The following SPAST variants were observed in gnomAD, a reference collection of about 807,000 sequenced individuals.
The protein encoded by SPAST is spastin, also known as spastic paraplegia 4 (autosomal dominant; spastin).
Under a neutral mutation model 76.6 loss-of-function variants are expected in SPAST, and 30 were observed. The observed-to-expected ratio is 0.39, with a 90% CI of 0.29 to 0.53. SPAST has a LOEUF of 0.53. SPAST is among the 20% of genes least tolerant of loss of function. The pLI is 0.68. For synonymous variants in SPAST, 305 were observed against 281.0 expected (o/e 1.09, Z -0.86); for missense variants, 717 against 770.5 (o/e 0.93, Z 0.82).
chr2:32,068,139 C>T (rs1676599196), intron 1 of SPAST, among the ~76,000 whole-genome samples: 2 of 151,576 alleles, frequency 1.3e-5, no homozygotes, highest in South Asian at 2.1e-4. Flanking sequence ...CCACCATGCC[C>T]AGCTAATTTT....
intron 4 of SPAST, among the ~76,000 whole-genome samples, chr2:32,108,685 A>G (rs1355554857): frequency 6.7e-6 from 1 of 150,118 alleles, no homozygotes; most frequent in African/African-American, 2.5e-5. Context: ...TCCTGGGCTC[A>G]ATCATTTCTG....
intron 1 of SPAST, among the ~76,000 whole-genome samples, chr2:32,067,760 T>TG (rs1039439595): frequency 3.8e-5 from 2 of 51,968 alleles, no homozygotes; most frequent in African/African-American, 1.3e-4. Flanking sequence ...GTGATCCTCT[T>TG]TTTTTTTTTT....
intron 3 of SPAST, among the ~76,000 whole-genome samples, chr2:32,094,497 A>G (rs1343554999): frequency 6.6e-6 from 1 of 152,214 alleles, no homozygotes; most frequent in African/African-American, 2.4e-5. Flanking sequence ...CTTAAGAGAA[A>G]GTACCTGGTA....
At chr2:32,096,070 G>A (rs1016756311) in intron 3 of SPAST, among the ~76,000 whole-genome samples, 1 of 152,210 alleles carries the variant, frequency 6.6e-6, no homozygotes, top group Non-Finnish European at 1.5e-5. Context: ...CAAAGTTACT[G>A]CTTTAATTTA....
chr2:32,096,565 A>C (rs1029466160), intron 3 of SPAST, among the ~76,000 whole-genome samples: 1 of 152,204 alleles, frequency 6.6e-6, no homozygotes, highest in African/African-American at 2.4e-5. Context: ...GTACTGTTAC[A>C]CTGTATGTGT....
intron 7 of SPAST, chr2:32,126,469 C>CTTTTTTTTTTTTTTT (rs70938323): frequency 7.8e-5 from 3 of 38,692 alleles, no homozygotes; most frequent in African/African-American, 9.7e-5. Context: ...GGTTTTATTT[C>CTTTTTTTTTTTTTTT]TTTTTTTTTT....
intron 9 of SPAST, among the ~76,000 whole-genome samples, chr2:32,131,456 C>G (rs752151540): frequency 6.6e-6 from 1 of 152,134 alleles, no homozygotes; most frequent in African/African-American, 2.4e-5. Context: ...TTCTTCACTT[C>G]AATTTTCAGT....
At chr2:32,139,331 C>T (rs1462982009) in intron 12 of SPAST, among the ~76,000 whole-genome samples, 2 of 152,156 alleles carry the variant, frequency 1.3e-5, no homozygotes, top group Admixed American at 6.5e-5. Context: ...ATCATACTCT[C>T]ACTCTTCACT....
At chr2:32,115,897 A>G in intron 6 of SPAST, 62 bp downstream of exon 6, 1 of 1,332,996 alleles carries the variant, frequency 7.5e-7, no homozygotes, top group Non-Finnish European at 1.0e-6. Context: ...TACTTATAAA[A>G]CATGTCAGGA....
At chr2:32,149,192 C>T (rs962216410) in intron 16 of SPAST, among the ~76,000 whole-genome samples, 41 of 151,590 alleles carry the variant, frequency 2.7e-4, no homozygotes, top group African/African-American at 9.4e-4. Context: ...CAGGTTCAAG[C>T]GATTCTCCTG....
At chr2:32,068,192 A>G (rs1676601261) in intron 1 of SPAST, among the ~76,000 whole-genome samples, 2 of 151,686 alleles carry the variant, frequency 1.3e-5, no homozygotes, top group African/African-American at 4.8e-5. Flanking sequence ...GTTAGCCAGG[A>G]TGGTCTCGAT....
At chr2:32,102,571 GT>G (rs1322456115) in intron 4 of SPAST, among the ~76,000 whole-genome samples, 1 of 152,156 alleles carries the variant, frequency 6.6e-6, no homozygotes, top group African/African-American at 2.4e-5. Flanking sequence ...AATGCTTCCA[GT>G]TTTTGCCCAT....
At chr2:32,102,949 A>G (rs767905065) in intron 4 of SPAST, among the ~76,000 whole-genome samples, 6 of 152,280 alleles carry the variant, frequency 3.9e-5, no homozygotes, top group African/African-American at 2.4e-5. Flanking sequence ...TGTCTCTGCC[A>G]GGCTTTGGTA....
chr2:32,117,158 C>T (rs145786385), intron 7 of SPAST, among the ~76,000 whole-genome samples: 2,968 of 151,984 alleles, frequency 0.02, 56 homozygotes, highest in Non-Finnish European at 0.029. Flanking sequence ...GATGCTGAGG[C>T]AGGAGAATCG....
chr2:32,080,783 C>CTT (rs1162817708), intron 1 of SPAST, among the ~76,000 whole-genome samples: 721 of 48,454 alleles, frequency 0.015, 233 homozygotes, highest in African/African-American at 0.022. Flanking sequence ...TGGCTCAGTT[C>CTT]TTTTTTTTTT....
intron 3 of SPAST, among the ~76,000 whole-genome samples, chr2:32,091,656 C>A (rs1677722729): frequency 6.6e-6 from 1 of 151,160 alleles, no homozygotes; most frequent in Non-Finnish European, 1.5e-5. Context: ...CACGGTGAAA[C>A]CCCGTCTCTA....
At chr2:32,114,023 A>C (rs1048186668) in intron 4 of SPAST, among the ~76,000 whole-genome samples, 11 of 151,496 alleles carry the variant, frequency 7.3e-5, no homozygotes, top group African/African-American at 2.4e-4. Flanking sequence ...GGCTCACTTC[A>C]ACCTCTGACT....
rs78428408 is a variant in SPAST at position 32,134,749 on chromosome 2, G to A, written c.1246-1814G>A. On this transcript the variant is annotated intron_variant, in intron 9 of 16. Transcript: ENST00000315285. ...TCACTTTTTCGCCCCAGGCCGAAGT[G>A]CAGTTGTGCGATCTCGGCTCACTGC... 2.4e-4 allele frequency among the ~76,000 whole-genome samples: 37 copies of A among 152,296 alleles called. No homozygotes were observed. In the East Asian group the frequency reaches 6.6e-3, roughly 27 times the overall value.
chr2:32,083,094 C>G (rs891645364), intron 1 of SPAST, among the ~76,000 whole-genome samples: 1 of 152,026 alleles, frequency 6.6e-6, no homozygotes, highest in East Asian at 1.9e-4. Flanking sequence ...GCCTCAGCCT[C>G]CCAAGTAGCT....
Sources: gnomAD v4.1 joint callset for allele counts (sites outside exome capture counted in the v4.1 genomes callset) on GRCh38, gnomAD v4.1.1 for gene constraint, MANE v1.5 for transcripts, NCBI Gene and HGNC (gene_info 2026-07-23, HGNC 2026-07-21) for gene names.